The following KCTD16 variants were observed in gnomAD, a reference collection of about 807,000 sequenced individuals.
KCTD16 encodes the protein potassium channel tetramerization domain containing 16, also known as BTB/POZ domain-containing protein KCTD16.
Under a neutral mutation model 33.2 loss-of-function variants are expected in KCTD16, and 13 were observed. That is an observed-to-expected ratio of 0.39 (90% confidence interval 0.25 to 0.62). KCTD16 has a LOEUF of 0.62. Among genes scored for constraint, KCTD16 ranks in the 20% least tolerant of loss-of-function variants. KCTD16 has a pLI of 0.50. For missense variants in KCTD16, 441 were observed against 525.1 expected (o/e 0.84, Z 1.57); for synonymous variants, 197 against 195.3 (o/e 1.01, Z -0.07).
chr5:144,386,430 A>G (rs1314699575), intron 3 of KCTD16, among the ~76,000 whole-genome samples: 1 of 152,180 alleles, frequency 6.6e-6, no homozygotes, highest in African/African-American at 2.4e-5. Context: ...TTAGGTAGTT[A>G]TTGACCACTC....
At chr5:144,415,917 A>C (rs1753043123) in intron 3 of KCTD16, among the ~76,000 whole-genome samples, 1 of 152,222 alleles carries the variant, frequency 6.6e-6, no homozygotes, top group East Asian at 1.9e-4. Flanking sequence ...CATGTGATGC[A>C]AAATGATTGG....
intron 3 of KCTD16, among the ~76,000 whole-genome samples, chr5:144,240,222 G>A (rs1175655405): frequency 6.6e-6 from 1 of 152,136 alleles, no homozygotes; most frequent in Non-Finnish European, 1.5e-5. Flanking sequence ...CTTTCTGACT[G>A]CATCAGAATG....
At chr5:144,405,418 T>G (rs182877106) in intron 3 of KCTD16, among the ~76,000 whole-genome samples, 19 of 152,338 alleles carry the variant, frequency 1.2e-4, no homozygotes, top group Admixed American at 1.2e-3. Flanking sequence ...CAAATTACTT[T>G]CCTGGATACC....
At chr5:144,208,366 A>T (rs1753257195) in intron 3 of KCTD16, among the ~76,000 whole-genome samples, 1 of 152,256 alleles carries the variant, frequency 6.6e-6, no homozygotes, top group East Asian at 1.9e-4. Flanking sequence ...TCATTTGCTT[A>T]AATGAAGATA....
At chr5:144,386,079 C>T (rs1752317389) in intron 3 of KCTD16, among the ~76,000 whole-genome samples, 1 of 151,998 alleles carries the variant, frequency 6.6e-6, no homozygotes, top group African/African-American at 2.4e-5. Context: ...TGTGTAAAGA[C>T]AGGATATGAT....
intron 3 of KCTD16, among the ~76,000 whole-genome samples, chr5:144,320,760 T>G (rs946370093): frequency 1.1e-5 from 1 of 87,494 alleles, no homozygotes; most frequent in African/African-American, 3.3e-5. Flanking sequence ...TTTTTATTTG[T>G]TTTTTTTTTT....
At chr5:144,188,945 G>A (rs1308741695) in intron 2 of KCTD16, among the ~76,000 whole-genome samples, 2 of 152,168 alleles carry the variant, frequency 1.3e-5, no homozygotes, top group Non-Finnish European at 1.5e-5. Flanking sequence ...ATAATCAAAA[G>A]CAAGCCCTGT....
At chr5:144,261,167 CAAAAAA>C (rs1299878040) in intron 3 of KCTD16, among the ~76,000 whole-genome samples, 2 of 78,076 alleles carry the variant, frequency 2.6e-5, no homozygotes, top group African/African-American at 9.5e-5. Context: ...GGAACAACAA[CAAAAAA>C]AAAAAAAAAA....
chr5:144,364,803 C>G (rs1318687606), intron 3 of KCTD16, among the ~76,000 whole-genome samples: 1 of 152,138 alleles, frequency 6.6e-6, no homozygotes, highest in Non-Finnish European at 1.5e-5. Context: ...ATGAATCTTT[C>G]ATTTGATAGG....
intron 3 of KCTD16, among the ~76,000 whole-genome samples, chr5:144,326,719 AAAAG>A (rs1012009438): frequency 2.7e-5 from 4 of 150,480 alleles, no homozygotes; most frequent in African/African-American, 1.0e-4. Flanking sequence ...AGAGAAGAAA[AAAAG>A]AAAGAAAGAA....
At chr5:144,314,830 A>T (rs543416764) in intron 3 of KCTD16, among the ~76,000 whole-genome samples, 5 of 152,324 alleles carry the variant, frequency 3.3e-5, no homozygotes, top group African/African-American at 9.6e-5. Flanking sequence ...TGAAAACTTC[A>T]TGCCCCCAAA....
At chr5:144,375,773 C>G (rs4546415) in intron 3 of KCTD16, among the ~76,000 whole-genome samples, 2 of 152,052 alleles carry the variant, frequency 1.3e-5, no homozygotes, top group African/African-American at 4.8e-5. Flanking sequence ...ATTCTAGGAC[C>G]GTCACATCAA....
chr5:144,343,445 TA>T (rs1475000505), intron 3 of KCTD16, among the ~76,000 whole-genome samples: 1 of 152,222 alleles, frequency 6.6e-6, no homozygotes, highest in Non-Finnish European at 1.5e-5. Context: ...CATTTTCTCT[TA>T]TGTCTATTTG....
intron 3 of KCTD16, among the ~76,000 whole-genome samples, chr5:144,417,319 A>G (rs1216470713): frequency 6.6e-6 from 1 of 152,064 alleles, no homozygotes; most frequent in Non-Finnish European, 1.5e-5. Flanking sequence ...ATATTAGTGG[A>G]TATCAAATGG....
At position 144,207,325 on chromosome 5, in the gene KCTD16, T is replaced by C; in HGVS notation, c.611T>C (p.Val204Ala). The C allele has an allele frequency of 6.2e-7, 1 of 1,614,128 alleles. No individual in the cohort carries two copies. The highest frequency in any genetic ancestry group is 8.5e-7 in the Non-Finnish European group (1 of 1,180,032). Residue 204 changes from valine (V) to alanine (A), a missense_variant, in exon 3 of 4, where the codon GTC becomes GCC. Coordinates refer to ENST00000512467, the MANE Select transcript of KCTD16 (RefSeq NM_020768.4). Reference protein sequence around the residue: ...VCGRISLAKEVFGETLNESRD... With the variant: ...VCGRISLAKEAFGETLNESRD... ...GGAAGGATTTCCTTGGCAAAAGAAG[T>C]CTTTGGAGAAACTTTGAATGAAAGC... is the stretch of plus-strand genomic sequence containing the variant.
At chr5:144,413,815 A>T (rs1312441640) in intron 3 of KCTD16, among the ~76,000 whole-genome samples, 1 of 152,228 alleles carries the variant, frequency 6.6e-6, no homozygotes, top group African/African-American at 2.4e-5. Context: ...TTTCTTTTGA[A>T]TAGTGGTCTT....
chr5:144,237,369 C>T (rs778114612), intron 3 of KCTD16, among the ~76,000 whole-genome samples: 1 of 152,056 alleles, frequency 6.6e-6, no homozygotes, highest in Non-Finnish European at 1.5e-5. Context: ...TAAAGTTGAG[C>T]AGATGGTGCC....
chr5:144,398,114 T>C (rs1752616579), intron 3 of KCTD16, among the ~76,000 whole-genome samples: 1 of 152,190 alleles, frequency 6.6e-6, no homozygotes, highest in Non-Finnish European at 1.5e-5. Context: ...ATACCACAAC[T>C]TAATGGACTA....
At chr5:144,358,300 A>G (rs1456004770) in intron 3 of KCTD16, among the ~76,000 whole-genome samples, 1 of 152,136 alleles carries the variant, frequency 6.6e-6, no homozygotes, top group Non-Finnish European at 1.5e-5. Flanking sequence ...TGGAATTTAT[A>G]GGGATTGGAC....
Sources: gnomAD v4.1 joint callset for allele counts (sites outside exome capture counted in the v4.1 genomes callset) on GRCh38, gnomAD v4.1.1 for gene constraint, MANE v1.5 for transcripts, NCBI Gene and HGNC (gene_info 2026-07-23, HGNC 2026-07-21) for gene names.